Variants in HMOX2 observed in about 807,000 individuals in gnomAD.
The protein encoded by HMOX2 is heme oxygenase 2, also known as heme oxygenase (decycling) 2.
A neutral mutation model predicts 33.7 loss-of-function variants in HMOX2; 30 were observed. That is an observed-to-expected ratio of 0.89 (90% CI 0.67 to 1.21). The LOEUF is 1.21. Ranked by LOEUF, HMOX2 falls within the 50% of genes most tolerant of loss-of-function variation. HMOX2 has a pLI of 0.00. For missense variants in HMOX2, 403 were observed against 399.1 expected, an observed-to-expected ratio of 1.01 and a Z score of -0.08; for synonymous variants, 155 against 155.0, an observed-to-expected ratio of 1.00 and a Z score of 0.00.
At chr16:4,479,191 A>G (rs1295633139) in intron 1 of HMOX2, among the ~76,000 whole-genome samples, 1 of 152,092 alleles carries the variant, frequency 6.6e-6, no homozygotes, top group Non-Finnish European at 1.5e-5. Flanking sequence ...AATAAGTAGG[A>G]TGCTAGCACA....
chr16:4,482,398 AC>A (rs975085501), intron 1 of HMOX2, among the ~76,000 whole-genome samples: 3 of 152,146 alleles, frequency 2.0e-5, no homozygotes, highest in African/African-American at 7.2e-5. Context: ...TCAACACAAC[AC>A]TTCTGATACC....
intron 1 of HMOX2, among the ~76,000 whole-genome samples, chr16:4,487,480 G>A (rs1437944206): frequency 1.3e-5 from 2 of 151,982 alleles, no homozygotes; most frequent in Admixed American, 1.3e-4. Context: ...AGACCAGCCT[G>A]ACCAACATGG....
intron 1 of HMOX2, among the ~76,000 whole-genome samples, chr16:4,484,118 G>A (rs1016819095): frequency 6.6e-6 from 1 of 151,644 alleles, no homozygotes; most frequent in African/African-American, 2.4e-5. Context: ...GGGACTACAG[G>A]CTCCCGCCAC....
chr16:4,480,347 C>CTT (rs57106048), intron 1 of HMOX2, among the ~76,000 whole-genome samples: 14,213 of 129,136 alleles, frequency 0.11, 1,780 homozygotes, highest in African/African-American at 0.29. Context: ...AGCACCCGGC[C>CTT]TTTTTTTTTT....
At chr16:4,505,336 A>G (rs1038358969) in intron 1 of HMOX2, 148 bp from the exon 2 acceptor site, 37 of 510,480 alleles carry the variant, frequency 7.2e-5, no homozygotes, top group Non-Finnish European at 1.2e-4. Flanking sequence ...TGGTCCCAGT[A>G]ATGGCAGAGC....
At position 4,506,804 on chromosome 16, in the gene HMOX2, T is replaced by A. The variant is rs1596475368; in HGVS notation, c.87-91T>A. The A allele has an allele frequency of 3.3e-6, 3 of 902,328 alleles. No homozygotes were observed. The East Asian group carries it at 7.3e-5, about 22-fold the overall frequency. 55.9% of individuals were successfully genotyped at this position (902,328 alleles called of 1,614,324 possible). On this transcript the variant is annotated intron_variant, in intron 2 of 5. Coordinates refer to ENST00000570646, the MANE Select transcript of HMOX2 (RefSeq NM_002134.4). The stretch of plus-strand genomic sequence containing the variant: ...GCCTCCAGTACAACAGGTGGTCACC[T>A]TGGGGTGTGGACTCAATCTTCTCTC...
intron 1 of HMOX2, among the ~76,000 whole-genome samples, chr16:4,497,084 A>G (rs2058440556): frequency 6.6e-6 from 1 of 152,152 alleles, no homozygotes; most frequent in Non-Finnish European, 1.5e-5. Context: ...CCAAAATGAC[A>G]GTTCTGCATA....
intron 1 of HMOX2, among the ~76,000 whole-genome samples, chr16:4,483,124 C>T (rs910979836): frequency 2.1e-4 from 32 of 150,518 alleles, no homozygotes; most frequent in African/African-American, 4.9e-4. Context: ...CTGGAACTTT[C>T]GTGTATTCAG....
Position 4,507,747 on chromosome 16 carries a change from C to G in HMOX2, c.239C>G (p.Ala80Gly). The change falls in exon 4 of 6, where the codon GCC becomes GGC. Residue 80 changes from alanine to glycine, a missense_variant. Physicochemically the swap from Ala to Gly is moderately conservative, Grantham distance 60. Coordinates refer to ENST00000570646, the MANE Select transcript of HMOX2 (RefSeq NM_002134.4). The part of the protein sequence containing the change: ...ATTALYFTYS[A>G]LEEEMERNKD... ...ACGGCACTTTACTTCACATACTCAG[C>G]CCTCGAGGAGGAAATGGAGCGCAAC... The G allele has an allele frequency of 2.5e-6, 4 of 1,614,112 alleles. No homozygotes were observed. The highest frequency in any genetic ancestry group is 3.4e-6 in the Non-Finnish European group (4 of 1,180,008).
chr16:4,481,086 C>G (rs528947191), intron 1 of HMOX2, among the ~76,000 whole-genome samples: 1 of 151,802 alleles, frequency 6.6e-6, no homozygotes, highest in Non-Finnish European at 1.5e-5. Context: ...GTGGCTCGCA[C>G]CTGTAATCCC....
intron 1 of HMOX2, among the ~76,000 whole-genome samples, chr16:4,478,364 C>T (rs928387238): frequency 1.3e-5 from 2 of 152,160 alleles, no homozygotes; most frequent in East Asian, 1.9e-4. Context: ...TTCCTTTTAA[C>T]AGCTGACTCT....
intron 1 of HMOX2, among the ~76,000 whole-genome samples, chr16:4,483,403 GTTAC>G (rs36062436): frequency 0.11 from 16,999 of 151,706 alleles, 1,972 homozygotes; most frequent in African/African-American, 0.29. Flanking sequence ...CCCACCAAGA[GTTAC>G]TTACTTACAA....
In HMOX2 at chr16:4,509,869, TAAGAA is replaced by T; in HGVS notation, c.*115_*119del. The T allele has an allele frequency of 8.1e-7, 1 of 1,236,088 alleles. No homozygotes were observed. Among genetic ancestry groups the T allele is most frequent in the Non-Finnish European group, 1.1e-6 (1 of 900,662 alleles). The allele number at this position is 1,236,088 out of a possible 1,614,324, so 76.6% of individuals were successfully genotyped here. ...GTGACTTTTTAAAAAATGCTGGGTTTAAGAAAGGCAACCAATAAAAGCCAGATGCT... is the reference window on the plus strand; with the variant it reads ...GTGACTTTTTAAAAAATGCTGGGTTTAGGCAACCAATAAAAGCCAGATGCT... On this transcript the variant is annotated 3_prime_UTR_variant, in exon 6 of 6. Coordinates refer to ENST00000570646, the MANE Select transcript of HMOX2 (RefSeq NM_002134.4).
At chr16:4,502,173 C>T (rs1216871883) in intron 1 of HMOX2, among the ~76,000 whole-genome samples, 1 of 152,130 alleles carries the variant, frequency 6.6e-6, no homozygotes, top group Non-Finnish European at 1.5e-5. Context: ...GATCTGCCCA[C>T]CTCGGCCTCC....
chr16:4,475,051 A>G (rs769461001), upstream of HMOX2, among the ~76,000 whole-genome samples: 10 of 151,914 alleles, frequency 6.6e-5, no homozygotes, highest in African/African-American at 1.2e-4. Context: ...CCCCGGGTTC[A>G]AGAGATTCTC....
chr16:4,502,958 A>T (rs538616603), intron 1 of HMOX2: 1 of 152,448 alleles, frequency 6.6e-6, no homozygotes, highest in African/African-American at 2.4e-5. Flanking sequence ...CTGGGATTAC[A>T]GGTGTGTGCC....
Position 4,505,547 on chromosome 16 carries a change from CAG to C in HMOX2, c.26_27del (p.Glu9GlyfsTer23). 7.5e-6 allele frequency: 12 copies of C among 1,607,320 alleles called. No individual in the cohort carries two copies. The highest frequency in any genetic ancestry group is 1.0e-5 in the Non-Finnish European group (12 of 1,176,460). ...GCAATGTCAGCGGAAGTGGAAACCT[CAG>C]AGGGGGTAGACGAGTCAGAAAAAAA... On this transcript the variant is annotated frameshift_variant, in exon 2 of 6. Transcript: ENST00000570646. LOFTEE classifies it high-confidence loss of function.
chr16:4,505,645 G>A (rs752404880), intron 2 of HMOX2, 35 bp downstream of exon 2: 12 of 1,440,636 alleles, frequency 8.3e-6, no homozygotes, highest in Admixed American at 1.9e-5. Context: ...TGAATCAGGT[G>A]GGCCCAGCAC....
chr16:4,509,790 C>A lies in HMOX2; in HGVS notation c.*34C>A, dbSNP rs369822617. The A allele has an allele frequency of 1.3e-5, 21 of 1,595,116 alleles. No individual in the cohort carries two copies. Among genetic ancestry groups the A allele is most frequent in the Non-Finnish European group, 1.1e-5 (13 of 1,169,130 alleles). On this transcript the variant is annotated 3_prime_UTR_variant, in exon 6 of 6. Transcript: ENST00000570646. ...TCATGCCACACCGGTACCCTCCTCCCGACTGACCACTGGCCTACCCCTTTC... is the reference window on the plus strand; with the variant it reads ...TCATGCCACACCGGTACCCTCCTCCAGACTGACCACTGGCCTACCCCTTTC...
Sources: allele counts gnomAD v4.1 joint callset (sites outside exome capture counted in the v4.1 genomes callset), GRCh38; gene constraint gnomAD v4.1.1; transcripts MANE v1.5; gene names NCBI Gene and HGNC (gene_info 2026-07-23, HGNC 2026-07-21).